The following LRMDA variants were observed in gnomAD, a reference collection of about 807,000 sequenced individuals.
The protein encoded by LRMDA is leucine rich melanocyte differentiation associated, also known as leucine-rich melanocyte differentiation-associated protein.
A neutral mutation model predicts 29.8 loss-of-function variants in LRMDA; 18 were observed. The observed-to-expected ratio is 0.60, with a 90% confidence interval of 0.42 to 0.90. The LOEUF (loss-of-function observed/expected upper bound fraction) is 0.90. LRMDA is among the 40% of genes least tolerant of loss of function. The probability of loss-of-function intolerance (pLI) is 0.00; values close to 1 mark genes in which losing one functional copy is unlikely to be tolerated. For missense variants in LRMDA, 273 were observed against 273.9 expected, an observed-to-expected ratio of 1.00 and a Z score of 0.02; for synonymous variants, 125 against 109.4, an observed-to-expected ratio of 1.14 and a Z score of -0.89.
At chr10:76,525,649 G>A (rs1454548480) in intron 6 of LRMDA, among the ~76,000 whole-genome samples, 3 of 152,004 alleles carry the variant, frequency 2.0e-5, no homozygotes, top group East Asian at 1.9e-4. Flanking sequence ...TTATAACTCC[G>A]GCTATTTTTT....
intron 6 of LRMDA, among the ~76,000 whole-genome samples, chr10:76,367,014 G>A (rs752682679): frequency 6.6e-6 from 1 of 152,194 alleles, no homozygotes; most frequent in Non-Finnish European, 1.5e-5. Flanking sequence ...AGATGATCAT[G>A]TGATTTTTGT....
chr10:76,181,172 T>A (rs1851042389), intron 5 of LRMDA, among the ~76,000 whole-genome samples: 1 of 152,194 alleles, frequency 6.6e-6, no homozygotes, highest in African/African-American at 2.4e-5. Flanking sequence ...CCCTTCTCCC[T>A]TTTTGCAGAC....
At chr10:76,304,133 A>G (rs2579787) in intron 5 of LRMDA, among the ~76,000 whole-genome samples, 106,385 of 151,980 alleles carry the variant, frequency 0.7, 40,895 homozygotes, top group Non-Finnish European at 0.9. Flanking sequence ...TTACTCATTC[A>G]TCAGAGGAAA....
At chr10:76,516,756 G>T (rs2132356810) in intron 6 of LRMDA, among the ~76,000 whole-genome samples, 1 of 152,222 alleles carries the variant, frequency 6.6e-6, no homozygotes, top group East Asian at 1.9e-4. Context: ...TGGACATTTG[G>T]GTTGGTTCCA....
At chr10:75,769,601 A>G (rs369381785) in intron 2 of LRMDA, among the ~76,000 whole-genome samples, 1 of 152,134 alleles carries the variant, frequency 6.6e-6, no homozygotes, top group East Asian at 1.9e-4. Flanking sequence ...AATTTATTTT[A>G]TTTTTTTATA....
chr10:75,960,084 C>G (rs1035573269), intron 2 of LRMDA, among the ~76,000 whole-genome samples: 1 of 152,198 alleles, frequency 6.6e-6, no homozygotes, highest in African/African-American at 2.4e-5. Flanking sequence ...GGCCAGTGCC[C>G]TCTCTCCACA....
chr10:76,468,270 T>G (rs1334733306), intron 6 of LRMDA, among the ~76,000 whole-genome samples: 1 of 152,238 alleles, frequency 6.6e-6, no homozygotes, highest in African/African-American at 2.4e-5. Context: ...CTTCTTAGTG[T>G]GATTTCTCAC....
At chr10:76,126,527 C>T (rs1849886911) in intron 5 of LRMDA, among the ~76,000 whole-genome samples, 1 of 152,174 alleles carries the variant, frequency 6.6e-6, no homozygotes, top group East Asian at 1.9e-4. Flanking sequence ...TCCGCTCCTG[C>T]TGGGGTCTTT....
intron 5 of LRMDA, among the ~76,000 whole-genome samples, chr10:76,105,229 A>T (rs1309207559): frequency 6.6e-6 from 1 of 152,196 alleles, no homozygotes; most frequent in East Asian, 1.9e-4. Flanking sequence ...CTTAATATTT[A>T]TCATCTGTCT....
rs139907199 is a variant in LRMDA at position 75,728,281 on chromosome 10, A to G, written c.131+289787A>G. Among the ~76,000 whole-genome samples the G allele has an allele frequency of 3.0e-4, 46 of 152,322 alleles. No individual in the cohort carries two copies. In the East Asian group the frequency reaches 7.7e-3, roughly 26 times the overall value. ...GTAGAAAAGTGATCCCCAAATAACA[A>G]TAACCCAGACCAACAGTGATGAGTG... On this transcript the variant is annotated intron_variant, in intron 2 of 6. Coordinates refer to ENST00000611255, the MANE Select transcript of LRMDA (RefSeq NM_001305581.2).
chr10:76,008,119 G>T (rs761769466), intron 2 of LRMDA, among the ~76,000 whole-genome samples: 1 of 152,184 alleles, frequency 6.6e-6, no homozygotes, highest in Non-Finnish European at 1.5e-5. Flanking sequence ...GGCGGGGGCC[G>T]GGGAGAAGCC....
At chr10:76,183,149 C>T (rs568862720) in intron 5 of LRMDA, among the ~76,000 whole-genome samples, 10 of 152,220 alleles carry the variant, frequency 6.6e-5, no homozygotes, top group Non-Finnish European at 1.2e-4. Context: ...ACAGAGCAAA[C>T]TTACCTTCAC....
At chr10:76,096,995 TTTTTATTTTA>T (rs59018479) in intron 5 of LRMDA, among the ~76,000 whole-genome samples, 17 of 147,944 alleles carry the variant, frequency 1.1e-4, no homozygotes, top group African/African-American at 2.2e-4. Flanking sequence ...GTTACTTTTA[TTTTTATTTTA>T]TTTTATTTTA....
intron 5 of LRMDA, among the ~76,000 whole-genome samples, chr10:76,182,345 A>T (rs1414950397): frequency 6.6e-6 from 1 of 152,166 alleles, no homozygotes; most frequent in African/African-American, 2.4e-5. Flanking sequence ...ATCACCTCCC[A>T]CCAAGTTCTT....
chr10:75,912,255 C>T (rs1343750791), intron 2 of LRMDA, among the ~76,000 whole-genome samples: 1 of 152,156 alleles, frequency 6.6e-6, no homozygotes, highest in Non-Finnish European at 1.5e-5. Flanking sequence ...ATCCTTCTTC[C>T]ATCATCTGTT....
intron 5 of LRMDA, among the ~76,000 whole-genome samples, chr10:76,222,637 T>C (rs1238884307): frequency 6.6e-6 from 1 of 152,196 alleles, no homozygotes; most frequent in African/African-American, 2.4e-5. Flanking sequence ...AGAGAGGATG[T>C]GGAGAAATAG....
Position 75,651,879 on chromosome 10 carries a change from C to T in LRMDA, c.131+213385C>T, listed in dbSNP as rs149189918. Reference sequence around the variant, plus strand: ...CTTAAGGGTACCAATAGACTTGACACTTCTCCACTTCCATCACACAGTATT... The same window carrying T: ...CTTAAGGGTACCAATAGACTTGACATTTCTCCACTTCCATCACACAGTATT... On this transcript the variant is annotated intron_variant, in intron 2 of 6. Coordinates refer to ENST00000611255, the MANE Select transcript of LRMDA (RefSeq NM_001305581.2). 6.0e-4 allele frequency among the ~76,000 whole-genome samples: 92 copies of T among 152,298 alleles called. 1 individual carries two copies. The Middle Eastern group carries it at 0.01, about 17-fold the overall frequency.
At chr10:76,403,012 C>A (rs947438592) in intron 6 of LRMDA, among the ~76,000 whole-genome samples, 1 of 151,752 alleles carries the variant, frequency 6.6e-6, no homozygotes. Flanking sequence ...CACAAATGGG[C>A]ACCTTATGGC....
At chr10:76,010,973 C>T (rs1363589092) in intron 2 of LRMDA, among the ~76,000 whole-genome samples, 1 of 152,228 alleles carries the variant, frequency 6.6e-6, no homozygotes, top group Non-Finnish European at 1.5e-5. Flanking sequence ...GCCCTGAAAA[C>T]CTGGTTTAGT....
Sources: allele counts gnomAD v4.1 joint callset (sites outside exome capture counted in the v4.1 genomes callset), GRCh38; gene constraint gnomAD v4.1.1; transcripts MANE v1.5; gene names NCBI Gene and HGNC (gene_info 2026-07-23, HGNC 2026-07-21).